The following XYLB variants were observed in gnomAD, a reference collection of about 807,000 sequenced individuals.
XYLB encodes xylulokinase, also known as xylulose kinase.
In XYLB, 62 loss-of-function variants were observed where a neutral mutation model predicts 78.7. The observed-to-expected ratio is 0.79, with a 90% CI of 0.64 to 0.97. The LOEUF (loss-of-function observed/expected upper bound fraction) is 0.97, where lower values mean the gene tolerates loss of function less well. XYLB is among the 50% of genes least tolerant of loss of function. The pLI, the probability that XYLB is intolerant of heterozygous loss-of-function variation, is 0.00. For synonymous variants in XYLB, 245 were observed against 247.4 expected (o/e 0.99, Z 0.09); for missense variants, 687 against 676.8 (o/e 1.02, Z -0.17).
At chr3:38,393,874 G>A (rs1252988172) in intron 15 of XYLB, among the ~76,000 whole-genome samples, 2 of 152,148 alleles carry the variant, frequency 1.3e-5, no homozygotes. Context: ...CACATTCTGA[G>A]AAACTGGGGT....
chr3:38,346,942 G>T lies in XYLB; in HGVS notation c.57+17G>T. 1.4e-6 allele frequency: 2 copies of T among 1,457,604 alleles called. No homozygotes were observed. Among genetic ancestry groups the T allele is most frequent in the African/African-American group, 1.5e-5 (1 of 68,448 alleles). The allele number at this position is 1,457,604 out of a possible 1,614,324, so 90.3% of individuals were successfully genotyped here. On this transcript the variant is annotated intron_variant, in intron 1 of 18. Transcript: ENST00000207870. Reference sequence around the variant, plus strand: ...ACGCAGCAGGTACAGTCGCCTGGCCGCAGGGCCACGGGGCCGCCTCCTCCG... The same window carrying T: ...ACGCAGCAGGTACAGTCGCCTGGCCTCAGGGCCACGGGGCCGCCTCCTCCG...
In XYLB at chr3:38,413,238, C is replaced by T; in HGVS notation, c.*225C>T. On this transcript the variant is annotated 3_prime_UTR_variant, in exon 19 of 19. Transcript: ENST00000207870. ...TGTGCCCCAGGGCAGGAAAGCATCTCTCTTTTCCTGTCTTTTATCCCAGGA... is the reference window on the plus strand; with the variant it reads ...TGTGCCCCAGGGCAGGAAAGCATCTTTCTTTTCCTGTCTTTTATCCCAGGA... 2.3e-6 allele frequency: 1 copy of T among 443,034 alleles called. No homozygotes were observed. The highest frequency in any genetic ancestry group is 6.0e-5 in the South Asian group (1 of 16,664). 27.4% of individuals were successfully genotyped at this position (443,034 alleles called of 1,614,324 possible). A position where few individuals can be genotyped will look rare whatever the true frequency, so the allele number is the denominator to read the frequency against.
chr3:38,420,272 C>G (rs1158979328), exon 18 of XYLB, among the ~76,000 whole-genome samples: 2 of 152,218 alleles, frequency 1.3e-5, no homozygotes, highest in Non-Finnish European at 2.9e-5. Flanking sequence ...TCTCTTCAAT[C>G]TGTAAGCATT....
chr3:38,394,733 T>G (rs1707797805), intron 15 of XYLB, among the ~76,000 whole-genome samples: 1 of 152,230 alleles, frequency 6.6e-6, no homozygotes, highest in Non-Finnish European at 1.5e-5. Context: ...TGGGTGATTC[T>G]GATTGAGGAT....
chr3:38,396,114 A>T (rs1707859805), intron 16 of XYLB, among the ~76,000 whole-genome samples: 1 of 152,212 alleles, frequency 6.6e-6, no homozygotes, highest in Non-Finnish European at 1.5e-5. Flanking sequence ...CTTAACTGTT[A>T]GAGTAACTGT....
chr3:38,399,577 G>C (rs150044312), intron 17 of XYLB, among the ~76,000 whole-genome samples: 1 of 152,314 alleles, frequency 6.6e-6, no homozygotes, highest in East Asian at 1.9e-4. Context: ...CCTGAGAACT[G>C]TGAAGATACT....
At chr3:38,422,888 C>T (rs988564539), downstream of XYLB, among the ~76,000 whole-genome samples, 9 of 151,944 alleles carry the variant, frequency 5.9e-5, no homozygotes, top group African/African-American at 1.7e-4. Flanking sequence ...TTTTTGATGG[C>T]GGCCATTGTT....
intron 15 of XYLB, among the ~76,000 whole-genome samples, chr3:38,382,912 T>C (rs1707218099): frequency 6.6e-6 from 1 of 152,234 alleles, no homozygotes; most frequent in Admixed American, 6.5e-5. Flanking sequence ...GAGTGATCAC[T>C]TAAATAGACA....
intron 11 of XYLB, 68 bp downstream of exon 11, chr3:38,374,570 G>A: frequency 1.2e-6 from 2 of 1,600,650 alleles, no homozygotes; most frequent in Non-Finnish European, 1.7e-6. Flanking sequence ...CTGATAAGTA[G>A]CAGAGGTGCT....
chr3:38,379,685 G>T (rs905022660), intron 15 of XYLB, among the ~76,000 whole-genome samples: 10 of 152,334 alleles, frequency 6.6e-5, no homozygotes, highest in South Asian at 2.1e-4. Flanking sequence ...GACATAGGCA[G>T]TGCAAGGTCT....
the XYLB span, among the ~76,000 whole-genome samples, chr3:38,442,295 C>T: frequency 1.3e-5 from 2 of 152,182 alleles, no homozygotes; most frequent in African/African-American, 4.8e-5. Flanking sequence ...CTAGAGTAGC[C>T]TGCTGGCATG....
chr3:38,397,679 C>T (rs1278917315), intron 17 of XYLB, among the ~76,000 whole-genome samples: 1 of 152,124 alleles, frequency 6.6e-6, no homozygotes, highest in Non-Finnish European at 1.5e-5. Flanking sequence ...GGAGCAGCAC[C>T]TACCTGCAAG....
At chr3:38,392,206 C>T (rs1189655399) in intron 15 of XYLB, among the ~76,000 whole-genome samples, 1 of 152,232 alleles carries the variant, frequency 6.6e-6, no homozygotes, top group African/African-American at 2.4e-5. Context: ...CAACACTTAA[C>T]AGCAACAACC....
chr3:38,419,290 A>G (rs538448004), downstream of XYLB, among the ~76,000 whole-genome samples: 76 of 152,194 alleles, frequency 5.0e-4, no homozygotes, highest in Non-Finnish European at 9.4e-4. Flanking sequence ...TTTATATACC[A>G]CATCCTGTTT....
intron 3 of XYLB, 22 bp downstream of exon 3, chr3:38,360,430 C>G: frequency 6.4e-7 from 1 of 1,551,460 alleles, no homozygotes; most frequent in South Asian, 1.2e-5. Context: ...GATTCCTATT[C>G]TCCTTCTATC....
intron 15 of XYLB, among the ~76,000 whole-genome samples, chr3:38,383,395 C>T (rs1707239990): frequency 6.6e-6 from 1 of 152,114 alleles, no homozygotes; most frequent in Non-Finnish European, 1.5e-5. Flanking sequence ...CTGGGCAGGG[C>T]TAATAAGCCA....
downstream of XYLB, among the ~76,000 whole-genome samples, chr3:38,418,021 G>A (rs938942116): frequency 2.6e-5 from 4 of 151,114 alleles, no homozygotes; most frequent in Admixed American, 6.6e-5. Context: ...GTGAAACCCC[G>A]TCTCTACTAA....
the XYLB span, among the ~76,000 whole-genome samples, chr3:38,432,051 C>A: frequency 3.3e-5 from 5 of 152,060 alleles, no homozygotes; most frequent in Non-Finnish European, 7.4e-5. Flanking sequence ...AACAAAGGGG[C>A]CACAGTCCCC....
chr3:38,365,050 A>T (rs1384286238), intron 4 of XYLB, 149 bp from the exon 5 acceptor site: 1 of 641,080 alleles, frequency 1.6e-6, no homozygotes, highest in Non-Finnish European at 2.7e-6. Context: ...ACCAAGTCCC[A>T]GGAGGGTGAT....
Sources: allele counts gnomAD v4.1 joint callset (sites outside exome capture counted in the v4.1 genomes callset), GRCh38; gene constraint gnomAD v4.1.1; transcripts MANE v1.5; gene names NCBI Gene and HGNC (gene_info 2026-07-23, HGNC 2026-07-21).